The following CSNK2A2 variants were observed in gnomAD, a reference collection of about 807,000 sequenced individuals.
CSNK2A2 encodes casein kinase II subunit alpha'.
In CSNK2A2, 8 loss-of-function variants were observed where a neutral mutation model predicts 54.0. The observed-to-expected ratio is 0.15, with a 90% CI of 0.09 to 0.27. The LOEUF is 0.27. Among genes scored for constraint, CSNK2A2 ranks in the 10% least tolerant of loss-of-function variants. CSNK2A2 has a pLI of 1.00. For synonymous variants in CSNK2A2, 141 were observed against 153.9 expected (o/e 0.92, Z 0.62); for missense variants, 242 against 439.4 (o/e 0.55, Z 4.02).
chr16:58,167,152 C>G (rs1478505692), intron 8 of CSNK2A2, 55 bp downstream of exon 8: 1 of 1,210,878 alleles, frequency 8.3e-7, no homozygotes, highest in East Asian at 2.4e-5. Context: ...TCTAAGGATG[C>G]TATTTTTTTG....
intron 11 of CSNK2A2, chr16:58,160,328 A>G (rs1253068288): frequency 2.6e-5 from 4 of 152,206 alleles, no homozygotes; most frequent in African/African-American, 9.7e-5. Flanking sequence ...TTTGTAGGAA[A>G]TAAGTTTGCT....
At chr16:58,174,721 A>C (rs1209047798) in intron 4 of CSNK2A2, among the ~76,000 whole-genome samples, 1 of 152,222 alleles carries the variant, frequency 6.6e-6, no homozygotes, top group African/African-American at 2.4e-5. Context: ...AATGGAAGGA[A>C]TTCCAAGGGA....
chr16:58,164,277 A>G, intron 10 of CSNK2A2, 130 bp from the exon 11 acceptor site: 1 of 674,308 alleles, frequency 1.5e-6, no homozygotes, highest in Non-Finnish European at 2.5e-6. Context: ...GGGCAACAGG[A>G]GAGACGGAAA....
chr16:58,197,244 C>A lies in CSNK2A2; in HGVS notation c.104+389G>T, dbSNP rs1962480306. On this transcript the variant is annotated intron_variant, in intron 1 of 11. Coordinates refer to ENST00000262506, the MANE Select transcript of CSNK2A2 (RefSeq NM_001896.4). This position sits in a 1 kb window ranked among gnomAD's most constrained non-coding sequence, Gnocchi z 4.0. ...GTCTTTAAGAAATTTCCTCCCACCA[C>A]CTCATCTCAGAAAACCTAAAAGGCA... The A allele has an allele frequency of 3.6e-6, 1 of 279,658 alleles. No individual in the cohort carries two copies. The highest frequency in any genetic ancestry group is 6.9e-6 in the Non-Finnish European group (1 of 145,278). The allele number at this position is 279,658 out of a possible 1,614,324, so 17.3% of individuals were successfully genotyped here.
rs1237886394 is a variant in CSNK2A2, at chr16:58,167,311, G to A, written c.625-3C>T. On this transcript the variant is annotated splice_region_variant and splice_polypyrimidine_tract_variant and intron_variant, in intron 7 of 11. Coordinates refer to ENST00000262506, the MANE Select transcript of CSNK2A2 (RefSeq NM_001896.4). Reference sequence around the variant, plus strand: ...ATGTCCAAGCTATAATCATACATCTGAGGCAATAAGGACAACGCATTAGCC... The same window carrying A: ...ATGTCCAAGCTATAATCATACATCTAAGGCAATAAGGACAACGCATTAGCC... The A allele has an allele frequency of 1.2e-6, 2 of 1,605,560 alleles. No individual in the cohort carries two copies. Among genetic ancestry groups the A allele is most frequent in the Non-Finnish European group, 1.7e-6 (2 of 1,174,626 alleles).
intron 2 of CSNK2A2, among the ~76,000 whole-genome samples, chr16:58,190,778 T>A (rs1222555864): frequency 6.6e-6 from 1 of 152,246 alleles, no homozygotes; most frequent in Non-Finnish European, 1.5e-5. Flanking sequence ...GCCACACTTG[T>A]ACACTGCAGT....
chr16:58,168,518 C>T lies in CSNK2A2; in HGVS notation c.513+92G>A, dbSNP rs181163164. 226 of 1,012,240 alleles carry T rather than the reference C, an allele frequency of 2.2e-4. 2 individuals are homozygous for T. In the East Asian group the frequency reaches 2.5e-3, roughly 11 times the overall value. 62.7% of individuals were successfully genotyped at this position (1,012,240 alleles called of 1,614,324 possible). A position where few individuals can be genotyped will look rare whatever the true frequency, so the allele number is the denominator to read the frequency against. The stretch of plus-strand genomic sequence containing the variant: ...CGAAAGTTTGCCAAAAAACCCACCA[C>T]GGGTCTACAGAAACCATCATGGCAC... On this transcript the variant is annotated intron_variant, in intron 6 of 11. Transcript: ENST00000262506.
At chr16:58,177,651 C>T (rs1166799583) in intron 4 of CSNK2A2, among the ~76,000 whole-genome samples, 2 of 152,212 alleles carry the variant, frequency 1.3e-5, no homozygotes, top group African/African-American at 4.8e-5. Context: ...TCCCAGGCAG[C>T]TCTGGTCACC....
chr16:58,194,613 T>C (rs910908918), intron 2 of CSNK2A2, among the ~76,000 whole-genome samples: 6 of 152,212 alleles, frequency 3.9e-5, no homozygotes, highest in African/African-American at 1.4e-4. Flanking sequence ...CCTGTTTCTG[T>C]GCTCAACGTT....
At chr16:58,165,790 T>C (rs1426011037) in intron 9 of CSNK2A2, 82 bp from the exon 10 acceptor site, 2 of 1,436,800 alleles carry the variant, frequency 1.4e-6, no homozygotes, top group Non-Finnish European at 1.9e-6. Flanking sequence ...GCCAACAAAA[T>C]CTCAGAATAA....
chr16:58,176,301 C>G (rs967226811), intron 4 of CSNK2A2, among the ~76,000 whole-genome samples: 1 of 152,218 alleles, frequency 6.6e-6, no homozygotes, highest in Non-Finnish European at 1.5e-5. Context: ...GGTACCTACA[C>G]CATGCATCTG....
In CSNK2A2 at chr16:58,197,038, T is replaced by C. The variant is rs1401814736; in HGVS notation, c.105-194A>G. The C allele has an allele frequency of 1.2e-5, 7 of 560,366 alleles. No homozygotes were observed. The highest frequency in any genetic ancestry group is 1.9e-5 in the South Asian group (1 of 53,130). 34.7% of individuals were successfully genotyped at this position (560,366 alleles called of 1,614,324 possible). Reference sequence around the variant, plus strand: ...TCACTCTGCAGAGCTCCTAACCTAATTGGTCTCTCCTAACTTGGGAAGATG... The same window carrying C: ...TCACTCTGCAGAGCTCCTAACCTAACTGGTCTCTCCTAACTTGGGAAGATG... On this transcript the variant is annotated intron_variant, in intron 1 of 11. Coordinates refer to ENST00000262506, the MANE Select transcript of CSNK2A2 (RefSeq NM_001896.4). The surrounding 1 kb of genome is among the most constrained non-coding windows in gnomAD (Gnocchi z 4.0).
chr16:58,179,814 C>T (rs1961980368), intron 4 of CSNK2A2, among the ~76,000 whole-genome samples: 1 of 151,040 alleles, frequency 6.6e-6, no homozygotes, highest in Non-Finnish European at 1.5e-5. Flanking sequence ...GCGTGGTGGC[C>T]CACACCTGTA....
At chr16:58,179,613 G>A (rs1961974674) in intron 4 of CSNK2A2, among the ~76,000 whole-genome samples, 1 of 152,138 alleles carries the variant, frequency 6.6e-6, no homozygotes, top group South Asian at 2.1e-4. Flanking sequence ...TACTGATTGT[G>A]CTACTCCTTC....
chr16:58,179,265 C>A (rs1567469160), intron 4 of CSNK2A2, among the ~76,000 whole-genome samples: 1 of 152,018 alleles, frequency 6.6e-6, no homozygotes, highest in Non-Finnish European at 1.5e-5. Flanking sequence ...TTTGGGAGGC[C>A]AAGGTGGGCA....
chr16:58,181,434 C>T (rs1962038756), intron 4 of CSNK2A2, among the ~76,000 whole-genome samples: 1 of 152,138 alleles, frequency 6.6e-6, no homozygotes, highest in African/African-American at 2.4e-5. Flanking sequence ...GCTAAGATAC[C>T]AGCAGCCAAG....
rs748692742 is a variant in CSNK2A2 at position 58,184,359 on chromosome 16, T to C, written c.319-49A>G. 1.0e-5 allele frequency: 14 copies of C among 1,398,328 alleles called. No homozygotes were observed. In the South Asian group the frequency reaches 1.5e-4, roughly 15 times the overall value. 86.6% of individuals were successfully genotyped at this position (1,398,328 alleles called of 1,614,324 possible). Reference sequence around the variant, plus strand: ...TTTTAAGTACCCAAACAATAATCAATGTAATCTGCTTCTGCCAAAATGGCC... The same window carrying C: ...TTTTAAGTACCCAAACAATAATCAACGTAATCTGCTTCTGCCAAAATGGCC... On this transcript the variant is annotated intron_variant, in intron 3 of 11. Transcript: ENST00000262506.
chr16:58,196,074 T>C (rs1188281394), intron 2 of CSNK2A2, among the ~76,000 whole-genome samples: 2 of 152,248 alleles, frequency 1.3e-5, no homozygotes, highest in Non-Finnish European at 2.9e-5. Flanking sequence ...ACATACAGCA[T>C]GCACCAAGAG....
intron 1 of CSNK2A2, 37 bp from the exon 2 acceptor site, chr16:58,196,881 G>A: frequency 7.3e-7 from 1 of 1,362,820 alleles, no homozygotes; most frequent in Non-Finnish European, 1.1e-6. Context: ...TGCCAGGACT[G>A]GGGGTTAACC....
Sources: allele counts gnomAD v4.1 joint callset (sites outside exome capture counted in the v4.1 genomes callset), GRCh38; gene constraint gnomAD v4.1.1; non-coding constraint Gnocchi (gnomAD v3.1); transcripts MANE v1.5; gene names NCBI Gene and HGNC (gene_info 2026-07-23, HGNC 2026-07-21).